The following CSMD1 variants were observed in gnomAD, a reference collection of about 807,000 sequenced individuals.
CSMD1 encodes CUB and sushi domain-containing protein 1.
CSMD1 carries 213 observed loss-of-function variants against 417.5 expected under a neutral mutation model. That is an observed-to-expected ratio of 0.51 (90% CI 0.46 to 0.57). CSMD1 has a LOEUF of 0.57. Among genes scored for constraint, CSMD1 ranks in the 20% least tolerant of loss-of-function variants. The pLI is 0.00. For missense variants in CSMD1, 6,923 were observed against 4,529.7 expected (o/e 1.53, Z -15.17); for synonymous variants, 2,862 against 1,736.8 (o/e 1.65, Z -16.11).
At chr8:3,774,392 C>T (rs1798789417) in intron 5 of CSMD1, among the ~76,000 whole-genome samples, 1 of 152,132 alleles carries the variant, frequency 6.6e-6, no homozygotes. Context: ...ATGCAAAACA[C>T]AAGTTTTTCA....
intron 3 of CSMD1, among the ~76,000 whole-genome samples, chr8:4,311,521 G>T (rs980156994): frequency 1.3e-5 from 2 of 152,002 alleles, no homozygotes; most frequent in Non-Finnish European, 2.9e-5. Context: ...TCAGGAGTTC[G>T]AGACCAGCCT....
intron 3 of CSMD1, among the ~76,000 whole-genome samples, chr8:4,118,234 G>T (rs1172399315): frequency 6.6e-6 from 1 of 152,102 alleles, no homozygotes; most frequent in Non-Finnish European, 1.5e-5. Context: ...CACATGCTTT[G>T]TTCCAGCAAC....
chr8:4,416,336 A>C (rs893871826), intron 3 of CSMD1, among the ~76,000 whole-genome samples: 4 of 152,156 alleles, frequency 2.6e-5, no homozygotes, highest in African/African-American at 9.7e-5. Flanking sequence ...CTAAAAAGTC[A>C]ACCTAAATTA....
At chr8:3,949,065 C>A (rs1226178331) in intron 5 of CSMD1, among the ~76,000 whole-genome samples, 1 of 151,920 alleles carries the variant, frequency 6.6e-6, no homozygotes, top group African/African-American at 2.4e-5. Flanking sequence ...TTTTTAAAAG[C>A]TATTTTTAAT....
In CSMD1 at chr8:3,968,670, AT is replaced by A. The variant is rs1302874246; in HGVS notation, c.818+29232del. 2.6e-5 allele frequency among the ~76,000 whole-genome samples: 4 copies of A among 152,120 alleles called. No individual in the cohort carries two copies. The East Asian group carries it at 7.7e-4, about 29-fold the overall frequency. ...CTACTGTCCTAAATCCCGAAAGCTG[AT>A]AGTGTTAGTCATTAAGCTTGCTCTT... On this transcript the variant is annotated intron_variant, in intron 5 of 69. Coordinates refer to ENST00000635120, the MANE Select transcript of CSMD1 (RefSeq NM_033225.6).
At chr8:3,361,121 CAGAA>C (rs1189830024) in intron 20 of CSMD1, among the ~76,000 whole-genome samples, 1 of 152,098 alleles carries the variant, frequency 6.6e-6, no homozygotes, top group Non-Finnish European at 1.5e-5. Flanking sequence ...TAGTATGACT[CAGAA>C]AGAAAATAAT....
chr8:3,026,474 A>G (rs540965957), intron 51 of CSMD1, among the ~76,000 whole-genome samples: 15 of 149,954 alleles, frequency 1.0e-4, no homozygotes, highest in South Asian at 4.5e-4. Context: ...ACTTCACTGG[A>G]CCTCACTGGG....
intron 2 of CSMD1, among the ~76,000 whole-genome samples, chr8:4,583,291 C>A (rs2130704958): frequency 6.6e-6 from 1 of 152,330 alleles, no homozygotes; most frequent in South Asian, 2.1e-4. Context: ...CAGCTGCGCT[C>A]CTGAGTCTGG....
intron 5 of CSMD1, among the ~76,000 whole-genome samples, chr8:3,956,128 C>G (rs1811928289): frequency 6.6e-6 from 1 of 152,134 alleles, no homozygotes; most frequent in Admixed American, 6.5e-5. Context: ...AAGTTCTGAC[C>G]AGATCCTGGA....
At chr8:3,078,568 G>A (rs73183504) in intron 49 of CSMD1, among the ~76,000 whole-genome samples, 6 of 152,302 alleles carry the variant, frequency 3.9e-5, no homozygotes, top group South Asian at 2.1e-4. Context: ...CCTGTGGGTC[G>A]AAACCAGCCT....
At chr8:3,770,989 T>G (rs772508883) in intron 5 of CSMD1, among the ~76,000 whole-genome samples, 1 of 143,828 alleles carries the variant, frequency 7.0e-6, no homozygotes, top group African/African-American at 2.8e-5. Context: ...ATTTGGACAG[T>G]TTCTCTCTCT....
At chr8:4,540,524 C>G (rs1250861633) in intron 2 of CSMD1, among the ~76,000 whole-genome samples, 1 of 151,968 alleles carries the variant, frequency 6.6e-6, no homozygotes, top group Non-Finnish European at 1.5e-5. Context: ...GGCAACAGAG[C>G]GAGACCTCAT....
In CSMD1 at chr8:2,951,290, GA is replaced by G. The variant is rs766370895; in HGVS notation, c.10040-16del. ...ATCTGAAGGAACTGTGGGAAGGGGG[GA>G]AACAGACCAATGTCAGCACACACAC... On this transcript the variant is annotated splice_polypyrimidine_tract_variant and intron_variant, in intron 65 of 69. Transcript: ENST00000635120. 6.3e-7 allele frequency: 1 copy of G among 1,592,026 alleles called. No homozygotes were observed. Among genetic ancestry groups the G allele is most frequent in the African/African-American group, 1.3e-5 (1 of 74,556 alleles).
rs542986858 is a variant in CSMD1, at chr8:4,288,409, C to G, written c.415+131544G>C. 8.5e-5 allele frequency among the ~76,000 whole-genome samples: 13 copies of G among 152,286 alleles called. No individual in the cohort carries two copies. In the South Asian group the frequency reaches 2.3e-3, roughly 27 times the overall value. On this transcript the variant is annotated intron_variant, in intron 3 of 69. Transcript: ENST00000635120. ...AAGAATGACCTACAAATATCTCAGG[C>G]TTGTTCACACAAACTCAGGAAATTC...
At chr8:4,044,067 C>T (rs1798026730) in intron 3 of CSMD1, among the ~76,000 whole-genome samples, 1 of 151,974 alleles carries the variant, frequency 6.6e-6, no homozygotes, top group Non-Finnish European at 1.5e-5. Flanking sequence ...GGGTTCCTGT[C>T]TTTTCTTGCC....
At chr8:3,618,015 G>T (rs947244590) in intron 7 of CSMD1, among the ~76,000 whole-genome samples, 4 of 152,082 alleles carry the variant, frequency 2.6e-5, no homozygotes, top group African/African-American at 9.7e-5. Flanking sequence ...TAGTTTGTTT[G>T]TTTTGAGACA....
chr8:4,121,559 G>A (rs1290965225), intron 3 of CSMD1, among the ~76,000 whole-genome samples: 1 of 148,444 alleles, frequency 6.7e-6, no homozygotes, highest in Non-Finnish European at 1.5e-5. Flanking sequence ...TGTCTAAAAT[G>A]TAATCAATCT....
intron 42 of CSMD1, among the ~76,000 whole-genome samples, chr8:3,112,708 G>A (rs1339523108): frequency 6.6e-6 from 1 of 152,186 alleles, no homozygotes; most frequent in Non-Finnish European, 1.5e-5. Flanking sequence ...TTATTGAATA[G>A]TGATGAAGAG....
At chr8:4,117,070 C>T (rs181050599) in intron 3 of CSMD1, among the ~76,000 whole-genome samples, 2 of 151,804 alleles carry the variant, frequency 1.3e-5, no homozygotes, top group East Asian at 1.9e-4. Flanking sequence ...AGAATGAAAT[C>T]TGGCCTCCTT....
Sources: gnomAD v4.1 joint callset for allele counts (sites outside exome capture counted in the v4.1 genomes callset) on GRCh38, gnomAD v4.1.1 for gene constraint, MANE v1.5 for transcripts, NCBI Gene and HGNC (gene_info 2026-07-23, HGNC 2026-07-21) for gene names.